Variants in E2F7 observed in about 807,000 individuals in gnomAD.
E2F7 encodes the protein E2F transcription factor 7, also known as transcription factor E2F7.
E2F7 carries 35 observed loss-of-function variants against 81.1 expected under a neutral mutation model. The observed-to-expected ratio is 0.43, with a 90% CI of 0.33 to 0.57. The LOEUF (loss-of-function observed/expected upper bound fraction) is 0.57, where lower values mean the gene tolerates loss of function less well. Ranked by LOEUF, E2F7 falls within the 20% of genes least tolerant of loss-of-function variation. The pLI, the probability that E2F7 is intolerant of heterozygous loss-of-function variation, is 0.04. For missense variants in E2F7, 961 were observed against 1,093.7 expected (o/e 0.88, Z 1.71); for synonymous variants, 416 against 416.2 (o/e 1.00, Z 0.01).
chr12:77,055,260 C>T (rs1353935437), intron 3 of E2F7, among the ~76,000 whole-genome samples: 3 of 151,898 alleles, frequency 2.0e-5, no homozygotes, highest in Admixed American at 6.6e-5. Flanking sequence ...TTGAAAAATC[C>T]GCCAAAAAGA....
At position 77,027,886 on chromosome 12, in the gene E2F7, C is replaced by A; in HGVS notation, c.2137G>T (p.Ala713Ser). The change falls in exon 11 of 13, where the codon GCA becomes TCA. Residue 713 changes from alanine (A) to serine (S), a missense_variant. By Grantham distance (99) the Ala-to-Ser change is moderately conservative (BLOSUM62 1). Coordinates refer to ENST00000322886, the MANE Select transcript of E2F7 (RefSeq NM_203394.3). ...LLQYLCVQSP[A>S]GLNGFNVLLS... ...AAGACATGATGACATCCCTTACCTG[C>A]AGGAGACTGCACACAAAGATATTGT... 6.2e-7 allele frequency: 1 copy of A among 1,613,982 alleles called. No individual in the cohort carries two copies. The highest frequency in any genetic ancestry group is 1.7e-5 in the Admixed American group (1 of 59,976).
chr12:77,050,502 C>G, intron 4 of E2F7, 74 bp downstream of exon 4: 1 of 1,543,348 alleles, frequency 6.5e-7, no homozygotes, highest in Admixed American at 1.7e-5. Flanking sequence ...TACTTCAAGC[C>G]TTCAGCCTGC....
At chr12:77,035,996 T>G (rs74103241) in intron 7 of E2F7, among the ~76,000 whole-genome samples, 5 of 6,960 alleles carry the variant, frequency 7.2e-4, no homozygotes, top group African/African-American at 4.1e-3. Context: ...AATGAATAAA[T>G]AAATGAAACG....
chr12:77,062,739 G>A (rs1009933480), intron 2 of E2F7, among the ~76,000 whole-genome samples: 1 of 152,050 alleles, frequency 6.6e-6, no homozygotes, highest in Non-Finnish European at 1.5e-5. Context: ...TGACTTAGAC[G>A]TTATATAAAT....
chr12:77,048,894 G>C (rs1954964113), intron 4 of E2F7, among the ~76,000 whole-genome samples: 1 of 152,186 alleles, frequency 6.6e-6, no homozygotes, highest in Admixed American at 6.5e-5. Context: ...TGACACCAGT[G>C]TAACACTCCT....
chr12:77,057,485 C>G (rs1441939008), intron 2 of E2F7, among the ~76,000 whole-genome samples: 1 of 152,180 alleles, frequency 6.6e-6, no homozygotes, highest in African/African-American at 2.4e-5. Context: ...GCTAGGATTA[C>G]AGGCATGAGC....
intron 9 of E2F7, 105 bp downstream of exon 9, chr12:77,032,945 C>T (rs547597449): frequency 2.0e-5 from 20 of 992,790 alleles, no homozygotes; most frequent in South Asian, 6.3e-5. Flanking sequence ...AACAAATAAA[C>T]GGCTGACCTA....
intron 7 of E2F7, among the ~76,000 whole-genome samples, chr12:77,034,360 C>G (rs1194489269): frequency 6.6e-6 from 1 of 152,172 alleles, no homozygotes; most frequent in Non-Finnish European, 1.5e-5. Context: ...TTTAGATGCT[C>G]TATTTGAGCA....
Position 77,023,956 on chromosome 12 carries a change from C to G in E2F7, c.*59G>C. On this transcript the variant is annotated 3_prime_UTR_variant, in exon 13 of 13. Transcript: ENST00000322886. ...CAGGACGGGATGGTTTGCATCCCGC[C>G]TCGGACATCCGGGACTCTCAGGGCG... 2.5e-6 allele frequency: 4 copies of G among 1,579,024 alleles called. No homozygotes were observed. In the South Asian group the frequency reaches 4.7e-5, roughly 18 times the overall value.
At position 77,043,027 on chromosome 12, in the gene E2F7, A is replaced by C. The variant is rs200212431; in HGVS notation, c.1123+38T>G. ...ACTTGGAAAAGGAACTGAGAATTCT[A>C]AATAAAACAGCCTGCTAGCAAAACC... On this transcript the variant is annotated intron_variant, in intron 7 of 12. Transcript: ENST00000322886. The C allele has an allele frequency of 3.1e-6, 5 of 1,613,514 alleles. No homozygotes were observed. The African/African-American group carries it at 6.7e-5, about 22-fold the overall frequency.
rs1317813402 is a variant in E2F7 at position 77,025,716 on chromosome 12, T to C, written c.2407A>G (p.Asn803Asp). 2 of 1,614,124 alleles carry C rather than the reference T, an allele frequency of 1.2e-6. No individual in the cohort carries two copies. The highest frequency in any genetic ancestry group is 2.2e-5 in the East Asian group (1 of 44,876). The change falls in exon 12 of 13, where the codon AAT (asparagine) becomes GAT (aspartate). Residue 803 changes from asparagine to aspartate, a missense_variant. By Grantham distance (23) the Asn-to-Asp change is conservative. Transcript: ENST00000322886. Reference protein sequence around the residue: ...QLLVGPTAVVNPKSSTLPSAD... With the variant: ...QLLVGPTAVVDPKSSTLPSAD... ...GAAGGGAGTGTGGACGACTTTGGAT[T>C]AACCACAGCTGTGGGGCCGACGAGA...
At chr12:77,031,622 C>T (rs1038982969) in intron 9 of E2F7, among the ~76,000 whole-genome samples, 1 of 152,140 alleles carries the variant, frequency 6.6e-6, no homozygotes, top group African/African-American at 2.4e-5. Flanking sequence ...GCCTGCGCAA[C>T]AGAGTGAGAC....
chr12:77,030,033 A>C lies in E2F7; in HGVS notation c.1682T>G (p.Leu561Arg). Residue 561 changes from leucine to arginine, a missense_variant, in exon 10 of 13, where the codon CTG (leucine) becomes CGG (arginine). By Grantham distance (102) the Leu-to-Arg change is moderately radical. Transcript: ENST00000322886. Reference sequence around the variant, plus strand: ...TGACCCTGACGCTGGTCCCTCCTGCAGACTTCCATACAGCATGAACAGTGA... The same window carrying C: ...TGACCCTGACGCTGGTCCCTCCTGCCGACTTCCATACAGCATGAACAGTGA... The part of the protein sequence containing the change: ...SASLFMLYGS[L>R]QEGPASGSGS... The C allele has an allele frequency of 6.2e-7, 1 of 1,614,208 alleles. No homozygotes were observed. Among genetic ancestry groups the C allele is most frequent in the Non-Finnish European group, 8.5e-7 (1 of 1,180,034 alleles).
Position 77,043,132 on chromosome 12 carries a change from A to G in E2F7, c.1056T>C (p.His352=), listed in dbSNP as rs755679986. ...LTSLALIKKV[H]VTEERGRKPA... is the part of the protein sequence containing the mutation. ...GTTTACGACCTCGCTCTTCTGTTAC[A>G]TGCACTTTCTTTATCAGAGCCAAGC... The change falls in exon 7 of 13, where the codon CAT becomes CAC. Residue 352 remains histidine, a synonymous_variant. Coordinates refer to ENST00000322886, the MANE Select transcript of E2F7 (RefSeq NM_203394.3). 1.1e-5 allele frequency: 17 copies of G among 1,614,176 alleles called. No homozygotes were observed. Among genetic ancestry groups the G allele is most frequent in the East Asian group, 2.2e-5 (1 of 44,870 alleles).
intron 9 of E2F7, among the ~76,000 whole-genome samples, chr12:77,031,478 T>C (rs1391080075): frequency 2.6e-5 from 4 of 151,860 alleles, no homozygotes; most frequent in African/African-American, 9.7e-5. Flanking sequence ...CCGTGTCTAC[T>C]AAAAATACAA....
chr12:77,028,162 C>A (rs772525191), intron 10 of E2F7, 24 bp from the exon 11 acceptor site: 14 of 1,583,792 alleles, frequency 8.8e-6, no homozygotes, highest in Non-Finnish European at 1.1e-5. Flanking sequence ...AACCAGGAAG[C>A]AAGAAAGTAA....
intron 7 of E2F7, among the ~76,000 whole-genome samples, chr12:77,038,710 GAACTCAAAGTT>G (rs1274513306): frequency 6.6e-6 from 1 of 151,956 alleles, no homozygotes; most frequent in African/African-American, 2.4e-5. Flanking sequence ...ACTAGAATAA[GAACTCAAAGTT>G]AACTCAAAGT....
rs139118427 is a variant in E2F7, at chr12:77,023,815, G to A, written c.*200C>T. 3 of 615,812 alleles carry A rather than the reference G, an allele frequency of 4.9e-6. No homozygotes were observed. In the African/African-American group the frequency reaches 5.5e-5, roughly 11 times the overall value. 38.1% of individuals were successfully genotyped at this position (615,812 alleles called of 1,614,324 possible). A position where few individuals can be genotyped will look rare whatever the true frequency, so the allele number is the denominator to read the frequency against. ...CGCTTTCACTGTGACACCATGCAGA[G>A]TCGGAACTCTAACTGGTATTAAATG... On this transcript the variant is annotated 3_prime_UTR_variant, in exon 13 of 13. Transcript: ENST00000322886.
chr12:77,037,813 G>T (rs1188144197), intron 7 of E2F7, among the ~76,000 whole-genome samples: 3 of 152,038 alleles, frequency 2.0e-5, no homozygotes, highest in Non-Finnish European at 1.5e-5. Context: ...AGTAGATCAA[G>T]AATCATATTA....
Sources: gnomAD v4.1 joint callset for allele counts (sites outside exome capture counted in the v4.1 genomes callset) on GRCh38, gnomAD v4.1.1 for gene constraint, MANE v1.5 for transcripts, NCBI Gene and HGNC (gene_info 2026-07-23, HGNC 2026-07-21) for gene names.